NRG1: variants seen among roughly 807,000 people sequenced by gnomAD.
NRG1 encodes the protein pro-neuregulin-1, membrane-bound isoform.
NRG1 carries 18 observed loss-of-function variants against 63.8 expected under a neutral mutation model. The observed-to-expected ratio is 0.28, with a 90% CI of 0.19 to 0.42. The LOEUF (loss-of-function observed/expected upper bound fraction) is 0.42. Ranked by LOEUF, NRG1 falls within the 10% of genes least tolerant of loss-of-function variation. The pLI is 1.00. For missense variants in NRG1, 762 were observed against 814.7 expected (o/e 0.94, Z 0.79); for synonymous variants, 302 against 301.3 (o/e 1.00, Z -0.02).
In NRG1 at chr8:31,912,209, T is replaced by C. The variant is rs879478074; in HGVS notation, c.37+272778T>C. On this transcript the variant is annotated intron_variant, in intron 1 of 10. Coordinates refer to the NRG1 transcript ENST00000519301. Reference sequence around the variant, plus strand: ...AAAGCATTCCGCTAACTATAAAACATTGAATAAAATGCGCTGATGTGTTTA... The same window carrying C: ...AAAGCATTCCGCTAACTATAAAACACTGAATAAAATGCGCTGATGTGTTTA... Among the ~76,000 whole-genome samples, 5 of 152,336 alleles carry C rather than the reference T, an allele frequency of 3.3e-5. 1 individual carries two copies. Among genetic ancestry groups the C allele is most frequent in the African/African-American group, 2.4e-5 (1 of 41,580 alleles).
chr8:31,918,746 T>C (rs1403230772), intron 1 of NRG1, among the ~76,000 whole-genome samples: 2 of 152,214 alleles, frequency 1.3e-5, no homozygotes, highest in South Asian at 2.1e-4. Context: ...TCCCTCTTTT[T>C]CTATTAATTG....
At chr8:31,954,031 T>C (rs1803935773) in intron 1 of NRG1, among the ~76,000 whole-genome samples, 1 of 152,128 alleles carries the variant, frequency 6.6e-6, no homozygotes. Flanking sequence ...CCTTCATAAA[T>C]GGTCACTAAT....
intron 1 of NRG1, among the ~76,000 whole-genome samples, chr8:32,425,402 A>AT (rs1188745702): frequency 6.6e-6 from 1 of 152,082 alleles, no homozygotes; most frequent in East Asian, 1.9e-4. Context: ...TGTAAGTGTG[A>AT]TTTTTACCAG....
chr8:32,385,863 T>C (rs1348890778), intron 1 of NRG1, among the ~76,000 whole-genome samples: 1 of 152,198 alleles, frequency 6.6e-6, no homozygotes, highest in Admixed American at 6.5e-5. Flanking sequence ...AATTAGCTAC[T>C]TGACACCAAT....
At chr8:32,576,554 TAAAA>T (rs1405342338) in intron 1 of NRG1, among the ~76,000 whole-genome samples, 2 of 151,938 alleles carry the variant, frequency 1.3e-5, no homozygotes, top group African/African-American at 4.8e-5. Flanking sequence ...CATTTTTTCT[TAAAA>T]AAACAAAACA....
At chr8:32,495,607 C>T (rs906820565) in intron 1 of NRG1, among the ~76,000 whole-genome samples, 9 of 151,932 alleles carry the variant, frequency 5.9e-5, no homozygotes, top group African/African-American at 1.9e-4. Context: ...GGATTACAGG[C>T]GCTCGCCACC....
chr8:32,755,490 C>A (rs1011540226), intron 8 of NRG1, among the ~76,000 whole-genome samples: 1 of 152,106 alleles, frequency 6.6e-6, no homozygotes, highest in Non-Finnish European at 1.5e-5. Context: ...TAGAGATAAG[C>A]CTTCCTGGAG....
chr8:32,624,786 T>G (rs2129543056), intron 5 of NRG1, among the ~76,000 whole-genome samples: 1 of 152,296 alleles, frequency 6.6e-6, no homozygotes, highest in South Asian at 2.1e-4. Flanking sequence ...GGGAAGCATT[T>G]TGAAATCTGT....
At chr8:32,615,091 C>T (rs1274458502) in intron 4 of NRG1, among the ~76,000 whole-genome samples, 1 of 152,088 alleles carries the variant, frequency 6.6e-6, no homozygotes, top group African/African-American at 2.4e-5. Flanking sequence ...TGGTTTCTCA[C>T]TTGCCTGTAG....
rs189997020 is a variant in NRG1 at position 32,584,314 on chromosome 8, A to G, written c.101-11514A>G. 2.6e-4 allele frequency among the ~76,000 whole-genome samples: 40 copies of G among 152,292 alleles called. 1 individual carries two copies. The East Asian group carries it at 7.7e-3, about 29-fold the overall frequency. On this transcript the variant is annotated intron_variant, in intron 1 of 11. Transcript: ENST00000356819. Reference sequence around the variant, plus strand: ...GTCACTGGGAACCCTAAGATAAGGAATTTGCCTTCCCTGATCTTCCTGTGG... The same window carrying G: ...GTCACTGGGAACCCTAAGATAAGGAGTTTGCCTTCCCTGATCTTCCTGTGG...
intron 1 of NRG1, among the ~76,000 whole-genome samples, chr8:31,809,321 T>C (rs1406532796): frequency 1.4e-5 from 2 of 139,036 alleles, no homozygotes; most frequent in South Asian, 2.5e-4. Flanking sequence ...GTTTTTTTTT[T>C]CTCTCTCTCT....
At chr8:32,121,226 G>A (rs1185567350) in intron 1 of NRG1, among the ~76,000 whole-genome samples, 4 of 151,970 alleles carry the variant, frequency 2.6e-5, no homozygotes, top group African/African-American at 9.7e-5. Flanking sequence ...GTTTTGTTTT[G>A]TTTTGTTTCC....
chr8:32,415,585 G>T (rs1235582457), intron 1 of NRG1, among the ~76,000 whole-genome samples: 1 of 152,166 alleles, frequency 6.6e-6, no homozygotes, highest in East Asian at 1.9e-4. Context: ...TTCTCTGGTA[G>T]AGAAGAGGAA....
chr8:32,248,605 A>G (rs759575466), intron 1 of NRG1, among the ~76,000 whole-genome samples: 2 of 152,086 alleles, frequency 1.3e-5, no homozygotes, highest in African/African-American at 4.8e-5. Context: ...TAAATTACCA[A>G]ATATCTTGGA....
At chr8:32,748,358 C>CACAGAGAGAGAGAGAGAGAGAGAGAGAG (rs748763782) in intron 7 of NRG1, among the ~76,000 whole-genome samples, 1 of 122,008 alleles carries the variant, frequency 8.2e-6, no homozygotes, top group Admixed American at 8.6e-5. Flanking sequence ...CACACACACA[C>CACAGAGAGAGAGAGAGAGAGAGAGAGAG]AGAGAGAGAG....
intron 1 of NRG1, among the ~76,000 whole-genome samples, chr8:32,382,941 G>T (rs1230726200): frequency 6.6e-6 from 1 of 152,030 alleles, no homozygotes; most frequent in East Asian, 1.9e-4. Context: ...GGTAATGAAT[G>T]CTGGGCACAG....
chr8:31,676,350 C>G (rs1049847457), intron 1 of NRG1, among the ~76,000 whole-genome samples: 2 of 152,140 alleles, frequency 1.3e-5, no homozygotes, highest in African/African-American at 4.8e-5. Context: ...ATAGCTTGAC[C>G]CCAATTTATG....
At chr8:31,834,292 T>TGTGCACACATGC (rs370815021) in intron 1 of NRG1, among the ~76,000 whole-genome samples, 1,719 of 19,214 alleles carry the variant, frequency 0.089, 40 homozygotes, top group African/African-American at 0.19. Flanking sequence ...CCTTCATGCG[T>TGTGCACACATGC]GTGCGCGCAC....
intron 1 of NRG1, among the ~76,000 whole-genome samples, chr8:31,849,259 A>G (rs1484993618): frequency 2.0e-5 from 3 of 152,174 alleles, no homozygotes; most frequent in Non-Finnish European, 4.4e-5. Flanking sequence ...AATGGCTCAA[A>G]CTCAGTGACT....
Sources: gnomAD v4.1 joint callset for allele counts (sites outside exome capture counted in the v4.1 genomes callset) on GRCh38, gnomAD v4.1.1 for gene constraint, MANE v1.5 for transcripts, NCBI Gene and HGNC (gene_info 2026-07-23, HGNC 2026-07-21) for gene names.